SNTA1: variants seen among roughly 807,000 people sequenced by gnomAD.
SNTA1 encodes the protein alpha-1-syntrophin.
SNTA1 carries 31 observed loss-of-function variants against 47.1 expected under a neutral mutation model. The ratio of observed to expected loss-of-function variants is 0.66; its 90% confidence interval spans 0.49 to 0.89. The LOEUF is 0.89. SNTA1 is among the 40% of genes least tolerant of loss of function. The pLI, the probability that SNTA1 is intolerant of heterozygous loss-of-function variation, is 0.00. For synonymous variants in SNTA1, 300 were observed against 313.6 expected, an observed-to-expected ratio of 0.96 and a Z score of 0.46; for missense variants, 575 against 693.0, an observed-to-expected ratio of 0.83 and a Z score of 1.91.
rs374199701 is a variant in SNTA1 at position 33,422,690 on chromosome 20, G to T, written c.497-4767C>A. Among the ~76,000 whole-genome samples the T allele has an allele frequency of 1.2e-4, 19 of 152,234 alleles. No individual in the cohort carries two copies. The East Asian group carries it at 2.7e-3, about 22-fold the overall frequency. ...GGTACTTGGGAGGGTGAGATGGGAG[G>T]CTAAGGTGGGAGGCTTGCTTGAGCC... On this transcript the variant is annotated intron_variant, in intron 2 of 7. Coordinates refer to ENST00000217381, the MANE Select transcript of SNTA1 (RefSeq NM_003098.3).
At chr20:33,410,998 G>A (rs1372584673) in intron 5 of SNTA1, among the ~76,000 whole-genome samples, 2 of 152,140 alleles carry the variant, frequency 1.3e-5, no homozygotes, top group South Asian at 2.1e-4. Context: ...GCCAGAGCCA[G>A]CCTGAGGTAA....
intron 2 of SNTA1, among the ~76,000 whole-genome samples, chr20:33,418,322 C>T (rs1048658255): frequency 6.8e-6 from 1 of 148,028 alleles, no homozygotes; most frequent in East Asian, 2.0e-4. Flanking sequence ...ATGGTGTGAT[C>T]ACAGCTCGCT....
rs539170677 is a variant in SNTA1, at chr20:33,441,679, A to G, written c.310+1632T>C. 1.5e-4 allele frequency among the ~76,000 whole-genome samples: 23 copies of G among 152,302 alleles called. No homozygotes were observed. The East Asian group carries it at 1.9e-3, about 13-fold the overall frequency. On this transcript the variant is annotated intron_variant, in intron 1 of 7. Transcript: ENST00000217381. ...CAACAGGAGCCCAGATTTGGATCCA[A>G]TGGAAATACCTGAAGTCTCCTAAAA...
Position 33,424,362 on chromosome 20 carries a change from A to C in SNTA1, c.497-6439T>G, listed in dbSNP as rs540648576. On this transcript the variant is annotated intron_variant, in intron 2 of 7. Transcript: ENST00000217381. ...AAAAAAAAAGAAAATAGTACTTGACATATACCAAGTAAGCAGTAAAAGAAA... is the reference window on the plus strand; with the variant it reads ...AAAAAAAAAGAAAATAGTACTTGACCTATACCAAGTAAGCAGTAAAAGAAA... Among the ~76,000 whole-genome samples, 3 of 151,818 alleles carry C rather than the reference A, an allele frequency of 2.0e-5. No homozygotes were observed. In the East Asian group the frequency reaches 5.9e-4, roughly 30 times the overall value.
chr20:33,410,318 C>T lies in SNTA1; in HGVS notation c.1054G>A (p.Gly352Ser). 6.2e-7 allele frequency: 1 copy of T among 1,605,298 alleles called. No homozygotes were observed. Among genetic ancestry groups the T allele is most frequent in the Non-Finnish European group, 8.5e-7 (1 of 1,176,542 alleles). The change falls in exon 6 of 8, where the codon GGC becomes AGC. Residue 352 changes from glycine to serine, a missense_variant. By Grantham distance (56) the Gly-to-Ser change is moderately conservative (BLOSUM62 0). Transcript: ENST00000217381. ...PLIATRLVHS[G>S]PSKGSVPYDA... ...TAGGGCACTGAGCCCTTGGAGGGGC[C>T]TGAGTGCACCAGTCTGGGGGTTGGG...
rs1990629863 is a variant in SNTA1 at position 33,443,418 on chromosome 20, G to A, written c.203C>T (p.Ala68Val). The change falls in exon 1 of 8, where the codon GCG (alanine) becomes GTG (valine). Residue 68 changes from alanine to valine, a missense_variant. Physicochemically the swap from Ala to Val is moderately conservative, Grantham distance 64. Transcript: ENST00000217381. The stretch of plus-strand genomic sequence containing the variant: ...CTGCGGGGGCCCGGCGCCCGGCTCC[G>A]CGGCGCCGTTGAGCTGCGCGGGCTC... ...EQEPAQLNGA[A>V]EPGAGPPQLP... is the part of the protein sequence containing the mutation. 4 of 1,340,830 alleles carry A rather than the reference G, an allele frequency of 3.0e-6. No individual in the cohort carries two copies. The highest frequency in any genetic ancestry group is 3.8e-6 in the Non-Finnish European group (4 of 1,053,590). 83.1% of individuals were successfully genotyped at this position (1,340,830 alleles called of 1,614,324 possible). A position where few individuals can be genotyped will look rare whatever the true frequency, so the allele number is the denominator to read the frequency against.
chr20:33,430,896 C>T (rs1990290648), intron 2 of SNTA1, among the ~76,000 whole-genome samples: 1 of 151,640 alleles, frequency 6.6e-6, no homozygotes, highest in African/African-American at 2.4e-5. Flanking sequence ...TTGCAGTGAG[C>T]CGAGATCGTG....
rs769142787 is a variant in SNTA1 at position 33,412,795 on chromosome 20, A to G, written c.702-13T>C. 1.5e-5 allele frequency: 23 copies of G among 1,581,882 alleles called. No homozygotes were observed. The highest frequency in any genetic ancestry group is 1.9e-5 in the Non-Finnish European group (22 of 1,160,002). Reference sequence around the variant, plus strand: ...GATCTCCAGATACCTGCAGGCACAAATGGGTGGAGACAAGGACCTGACCAT... The same window carrying G: ...GATCTCCAGATACCTGCAGGCACAAGTGGGTGGAGACAAGGACCTGACCAT... On this transcript the variant is annotated splice_polypyrimidine_tract_variant and intron_variant, in intron 3 of 7. Coordinates refer to ENST00000217381, the MANE Select transcript of SNTA1 (RefSeq NM_003098.3).
chr20:33,421,617 AAAT>A (rs1016855442), intron 2 of SNTA1, among the ~76,000 whole-genome samples: 1 of 151,304 alleles, frequency 6.6e-6, no homozygotes, highest in African/African-American at 2.4e-5. Context: ...CGTCTCAAAA[AAAT>A]AATAATAAAA....
At chr20:33,435,333 C>T (rs180844919) in intron 2 of SNTA1, among the ~76,000 whole-genome samples, 163 of 151,178 alleles carry the variant, frequency 1.1e-3, no homozygotes, top group African/African-American at 3.7e-3. Flanking sequence ...CATGGTGGCT[C>T]ACGTCTGTAA....
intron 2 of SNTA1, among the ~76,000 whole-genome samples, chr20:33,429,242 T>A (rs1358480028): frequency 7.1e-6 from 1 of 140,644 alleles, no homozygotes; most frequent in Non-Finnish European, 1.5e-5. Flanking sequence ...GAAGGTGAGG[T>A]AGGAGAATTG....
intron 1 of SNTA1, among the ~76,000 whole-genome samples, chr20:33,439,680 G>A (rs933715325): frequency 1.3e-5 from 2 of 151,998 alleles, no homozygotes; most frequent in Non-Finnish European, 2.9e-5. Flanking sequence ...TACTATGTAC[G>A]CACAAAAATT....
At chr20:33,443,057 C>T (rs1990617127) in intron 1 of SNTA1, among the ~76,000 whole-genome samples, 1 of 151,642 alleles carries the variant, frequency 6.6e-6, no homozygotes, top group Admixed American at 6.6e-5. Flanking sequence ...CCACACAGAA[C>T]TCCCACCCAC....
intron 2 of SNTA1, among the ~76,000 whole-genome samples, chr20:33,423,903 G>A (rs536375983): frequency 5.0e-4 from 76 of 152,302 alleles, no homozygotes; most frequent in African/African-American, 1.3e-3. Context: ...CTTGAAATTA[G>A]ATGATAGAGC....
At chr20:33,438,169 G>A (rs543098551) in intron 2 of SNTA1, among the ~76,000 whole-genome samples, 3 of 152,220 alleles carry the variant, frequency 2.0e-5, no homozygotes, top group Non-Finnish European at 2.9e-5. Context: ...GCATGGTGAC[G>A]CACACCTGTA....
At chr20:33,420,083 C>T (rs1989984055) in intron 2 of SNTA1, among the ~76,000 whole-genome samples, 1 of 152,088 alleles carries the variant, frequency 6.6e-6, no homozygotes. Context: ...ACCACCACAC[C>T]CAGCTAATTT....
At chr20:33,425,842 C>T (rs922466484) in intron 2 of SNTA1, among the ~76,000 whole-genome samples, 46 of 152,148 alleles carry the variant, frequency 3.0e-4, no homozygotes, top group Middle Eastern at 3.4e-3. Context: ...GAGGTCGAGG[C>T]GGGCAGATCA....
intron 2 of SNTA1, among the ~76,000 whole-genome samples, chr20:33,426,425 AG>A (rs1179524038): frequency 2.2e-5 from 3 of 138,454 alleles, no homozygotes; most frequent in Non-Finnish European, 4.7e-5. Flanking sequence ...CACTCCAGCC[AG>A]GGTGACAGAG....
chr20:33,440,413 C>T (rs999342322), intron 1 of SNTA1, among the ~76,000 whole-genome samples: 4 of 152,070 alleles, frequency 2.6e-5, no homozygotes, highest in African/African-American at 9.7e-5. Context: ...CAAGATTGCA[C>T]CATTGCACTC....
Sources: gnomAD v4.1 joint callset for allele counts (sites outside exome capture counted in the v4.1 genomes callset) on GRCh38, gnomAD v4.1.1 for gene constraint, MANE v1.5 for transcripts, NCBI Gene and HGNC (gene_info 2026-07-23, HGNC 2026-07-21) for gene names.